The following MAST4 variants were observed in gnomAD, a reference collection of about 807,000 sequenced individuals.
MAST4 encodes the protein microtubule associated serine/threonine kinase family member 4, also known as microtubule-associated serine/threonine-protein kinase 4.
A neutral mutation model predicts 162.7 loss-of-function variants in MAST4; 89 were observed. The ratio of observed to expected loss-of-function variants is 0.55; its 90% CI spans 0.46 to 0.65. The LOEUF is 0.65. Among genes scored for constraint, MAST4 ranks in the 30% least tolerant of loss-of-function variants. The pLI, the probability that MAST4 is intolerant of heterozygous loss-of-function variation, is 0.00. For missense variants in MAST4, 3,153 were observed against 3,374.0 expected, an observed-to-expected ratio of 0.93 and a Z score of 1.62; for synonymous variants, 1,479 against 1,361.1, an observed-to-expected ratio of 1.09 and a Z score of -1.91.
chr5:67,060,971 A>G (rs879090505), intron 5 of MAST4, among the ~76,000 whole-genome samples: 2 of 152,230 alleles, frequency 1.3e-5, no homozygotes, highest in African/African-American at 4.8e-5. Context: ...CTATGTTGCC[A>G]TGACTCTAAT....
In MAST4 at chr5:67,142,455, G is replaced by A. The variant is rs544939743; in HGVS notation, c.2652G>A (p.Glu884=). The A allele has an allele frequency of 2.5e-6, 4 of 1,600,998 alleles. No individual in the cohort carries two copies. The highest frequency in any genetic ancestry group is 1.3e-5 in the African/African-American group (1 of 74,710). The stretch of plus-strand genomic sequence containing the variant: ...AGAAGTATCATCATATGGAAACGGA[G>A]GAAGAAGATGACACAAATGATGAAG... ...RSEKYHHMET[E]EEDDTNDEDF... is the part of the protein sequence containing the mutation. The change falls in exon 21 of 29, where the codon GAG becomes GAA. Residue 884 remains glutamate, a synonymous_variant. Transcript: ENST00000403625.
intron 4 of MAST4, among the ~76,000 whole-genome samples, chr5:66,911,384 A>G: frequency 6.6e-6 from 1 of 152,080 alleles, no homozygotes. Flanking sequence ...CATATTTAAA[A>G]CTTTTTTTAG....
intron 4 of MAST4, among the ~76,000 whole-genome samples, chr5:66,966,540 G>A (rs1157460994): frequency 2.0e-5 from 3 of 152,152 alleles, no homozygotes; most frequent in Non-Finnish European, 4.4e-5. Flanking sequence ...TTAACCCATG[G>A]CCTTCAAGGA....
At chr5:66,906,142 T>C (rs952905752) in intron 4 of MAST4, among the ~76,000 whole-genome samples, 9 of 152,192 alleles carry the variant, frequency 5.9e-5, no homozygotes, top group African/African-American at 2.2e-4. Context: ...TGGAATTTGG[T>C]CTCTTATGCT....
chr5:66,789,772 G>A (rs1755299804), intron 3 of MAST4: 2 of 518,702 alleles, frequency 3.9e-6, no homozygotes, highest in South Asian at 2.8e-5. Context: ...CAACCTGGGA[G>A]GTACTTTTAA....
At position 66,963,278 on chromosome 5, in the gene MAST4, T is replaced by C. The variant is rs540404100; in HGVS notation, c.674+63296T>C. On this transcript the variant is annotated intron_variant, in intron 4 of 28. Coordinates refer to ENST00000403625, the MANE Select transcript of MAST4 (RefSeq NM_001164664.2). ...ACTTGTTTTTCCTTGCAAAAGTGCT[T>C]AAAAACGCATCTTCCTATGGGGAAA... Among the ~76,000 whole-genome samples, 5 of 152,340 alleles carry C rather than the reference T, an allele frequency of 3.3e-5. No individual in the cohort carries two copies. The South Asian group carries it at 8.3e-4, about 25-fold the overall frequency.
At chr5:67,088,825 C>G (rs1183418420) in intron 5 of MAST4, among the ~76,000 whole-genome samples, 2 of 152,204 alleles carry the variant, frequency 1.3e-5, no homozygotes, top group Non-Finnish European at 2.9e-5. Flanking sequence ...TGCTGTCTGT[C>G]TTAAAGTTAA....
chr5:66,685,004 A>G (rs1402274191), intron 1 of MAST4, among the ~76,000 whole-genome samples: 6 of 152,166 alleles, frequency 3.9e-5, no homozygotes, highest in East Asian at 1.9e-4. Flanking sequence ...GCTCATGCCT[A>G]TAACCCCAGC....
Position 67,078,887 on chromosome 5 carries a change from T to TTATATAA in MAST4, c.764-11275_764-11274insTATATAA, listed in dbSNP as rs1561621654. ...AAATATATATTTATATAAATATATT[T>TTATATAA]ATATATTTATATATTTTTATATAAA... On this transcript the variant is annotated intron_variant, in intron 5 of 28. Coordinates refer to ENST00000403625, the MANE Select transcript of MAST4 (RefSeq NM_001164664.2). Among the ~76,000 whole-genome samples, 361 of 91,892 alleles carry TTATATAA rather than the reference T, an allele frequency of 3.9e-3. 5 individuals carry two copies. Among genetic ancestry groups the TTATATAA allele is most frequent in the African/African-American group, 0.016 (328 of 20,938 alleles). 60.3% of individuals were successfully genotyped at this position (91,892 alleles called of 152,430 possible). A position where few individuals can be genotyped will look rare whatever the true frequency, so the allele number is the denominator to read the frequency against.
In MAST4 at chr5:67,048,611, T is replaced by C. The variant is rs559459654; in HGVS notation, c.675-5793T>C. ...TCATAGATGCAAAATTAGTATCTTA[T>C]AGGACAGTGATAGTAAATATTTGAG... On this transcript the variant is annotated intron_variant, in intron 4 of 28. Transcript: ENST00000403625. Among the ~76,000 whole-genome samples, 3 of 152,280 alleles carry C rather than the reference T, an allele frequency of 2.0e-5. No homozygotes were observed. The East Asian group carries it at 5.8e-4, about 29-fold the overall frequency.
chr5:66,805,449 A>G (rs2149704773), intron 3 of MAST4, among the ~76,000 whole-genome samples: 1 of 152,342 alleles, frequency 6.6e-6, no homozygotes, highest in East Asian at 1.9e-4. Flanking sequence ...CTTACATTTA[A>G]AAGACTTCTC....
chr5:67,085,430 C>A (rs1763134203), intron 5 of MAST4, among the ~76,000 whole-genome samples: 1 of 152,148 alleles, frequency 6.6e-6, no homozygotes, highest in Non-Finnish European at 1.5e-5. Context: ...TAAATAAAAT[C>A]ATGTTATCCC....
Position 67,145,391 on chromosome 5 carries a change from G to C in MAST4, c.3094+12G>C. 1.2e-6 allele frequency: 2 copies of C among 1,608,150 alleles called. No homozygotes were observed. The highest frequency in any genetic ancestry group is 8.5e-7 in the Non-Finnish European group (1 of 1,176,600). On this transcript the variant is annotated intron_variant, in intron 23 of 28. Transcript: ENST00000403625. ...CTCCACCCTGTCAGGTAAGCCCCGG[G>C]CCATAGTGCCTGCTGTCCTCCTCAC...
At chr5:66,628,655 C>T (rs930554281) in intron 1 of MAST4, among the ~76,000 whole-genome samples, 3 of 151,976 alleles carry the variant, frequency 2.0e-5, no homozygotes, top group African/African-American at 2.4e-5. Context: ...GGGAAAGTCA[C>T]GGTGAAGTTA....
At position 66,788,797 on chromosome 5, in the gene MAST4, G is replaced by A; in HGVS notation, c.642+3G>A. On this transcript the variant is annotated splice_donor_region_variant and intron_variant, in intron 3 of 28. Transcript: ENST00000403625. ...CGCCCTCGCTCACCGCCAGCCTGGT[G>A]AGTGTCCGCGGGCGCCGGTGGAGGC... 6.4e-7 allele frequency: 1 copy of A among 1,565,680 alleles called. No homozygotes were observed. The highest frequency in any genetic ancestry group is 8.6e-7 in the Non-Finnish European group (1 of 1,157,946).
intron 1 of MAST4, among the ~76,000 whole-genome samples, chr5:66,652,098 GC>G (rs533527389): frequency 6.6e-6 from 1 of 152,172 alleles, no homozygotes; most frequent in Non-Finnish European, 1.5e-5. Flanking sequence ...TTTAGTTGTT[GC>G]CTACCATAAT....
chr5:66,984,358 A>C (rs186412858), intron 4 of MAST4, among the ~76,000 whole-genome samples: 126 of 152,312 alleles, frequency 8.3e-4, no homozygotes, highest in African/African-American at 2.9e-3. Flanking sequence ...CATGTGGATG[A>C]GTGGGCAGAG....
At chr5:67,015,621 G>C (rs940855718) in intron 4 of MAST4, among the ~76,000 whole-genome samples, 2 of 152,166 alleles carry the variant, frequency 1.3e-5, no homozygotes, top group Non-Finnish European at 2.9e-5. Context: ...GAGTAGTTCC[G>C]AGTCCCGAAG....
intron 1 of MAST4, among the ~76,000 whole-genome samples, chr5:66,662,036 C>T (rs1404446355): frequency 1.3e-5 from 2 of 151,606 alleles, no homozygotes; most frequent in East Asian, 3.9e-4. Flanking sequence ...AGTAGGTTTG[C>T]CCTATACTGT....
Sources: gnomAD v4.1 joint callset for allele counts (sites outside exome capture counted in the v4.1 genomes callset) on GRCh38, gnomAD v4.1.1 for gene constraint, MANE v1.5 for transcripts, NCBI Gene and HGNC (gene_info 2026-07-23, HGNC 2026-07-21) for gene names.